The following IFT56 variants were observed in gnomAD, a reference collection of about 807,000 sequenced individuals.
The protein encoded by IFT56 is intraflagellar transport protein 56.
chr7:139,189,368 C>T, the IFT56 span: 8 of 1,613,356 alleles, frequency 5.0e-6, no homozygotes, highest in Admixed American at 1.2e-4. Context: ...ACAGGTAACA[C>T]CCAAGTAGAA....
the IFT56 span, among the ~76,000 whole-genome samples, chr7:139,182,447 A>G: frequency 6.6e-6 from 1 of 152,220 alleles, no homozygotes; most frequent in African/African-American, 2.4e-5. Flanking sequence ...GAAGGAAAAC[A>G]TTAGAAGACA....
the IFT56 span, among the ~76,000 whole-genome samples, chr7:139,157,358 G>C: frequency 6.6e-6 from 1 of 151,672 alleles, no homozygotes; most frequent in Non-Finnish European, 1.5e-5. Context: ...TGTTAGCCAG[G>C]CTGGTCTTGA....
the IFT56 span, chr7:139,173,560 T>C: frequency 5.0e-6 from 4 of 795,498 alleles, no homozygotes; most frequent in African/African-American, 1.7e-5. Flanking sequence ...TTTGTTCATA[T>C]GGATAGAGTA....
At chr7:139,158,385 T>G in the IFT56 span, among the ~76,000 whole-genome samples, 1 of 151,964 alleles carries the variant, frequency 6.6e-6, no homozygotes, top group African/African-American at 2.4e-5. Context: ...GAAAAGCTTT[T>G]GATGATATTT....
At chr7:139,151,148 G>T in the IFT56 span, among the ~76,000 whole-genome samples, 196 of 152,288 alleles carry the variant, frequency 1.3e-3, 1 homozygote, top group African/African-American at 4.4e-3. Context: ...GATACAAAAG[G>T]TCAGTAGAAA....
chr7:139,177,434 A>G, the IFT56 span, among the ~76,000 whole-genome samples: 3 of 151,388 alleles, frequency 2.0e-5, no homozygotes, highest in Non-Finnish European at 4.4e-5. Context: ...CTGATATACT[A>G]TGTATATCAG....
At chr7:139,184,474 A>G in the IFT56 span, among the ~76,000 whole-genome samples, 1 of 152,202 alleles carries the variant, frequency 6.6e-6, no homozygotes, top group East Asian at 1.9e-4. Flanking sequence ...TTGCTTTCAT[A>G]TATGTAACAT....
the IFT56 span, among the ~76,000 whole-genome samples, chr7:139,139,477 A>T: frequency 3.9e-5 from 6 of 152,254 alleles, no homozygotes; most frequent in Non-Finnish European, 8.8e-5. Flanking sequence ...TCAATGCCAA[A>T]AAAGCCAGAA....
At chr7:139,168,666 T>TA in the IFT56 span, 1 of 412,978 alleles carries the variant, frequency 2.4e-6, no homozygotes, top group East Asian at 3.6e-5. Context: ...ATAACTAACT[T>TA]AAAAATCATT....
chr7:139,165,285 T>A, the IFT56 span: 2 of 1,255,846 alleles, frequency 1.6e-6, no homozygotes, highest in Admixed American at 4.1e-5. Flanking sequence ...TTTAGAATAG[T>A]TAAATATGTC....
chr7:139,142,617 G>A, the IFT56 span, among the ~76,000 whole-genome samples: 1 of 152,210 alleles, frequency 6.6e-6, no homozygotes, highest in African/African-American at 2.4e-5. Context: ...ATCATCTGAA[G>A]TCAGGAGTTG....
At chr7:139,149,563 T>A in the IFT56 span, among the ~76,000 whole-genome samples, 102 of 152,232 alleles carry the variant, frequency 6.7e-4, no homozygotes, top group South Asian at 0.021. Flanking sequence ...CCACCATAGC[T>A]TTGTGTGCAA....
chr7:139,137,825 T>A, the IFT56 span: 28 of 1,599,414 alleles, frequency 1.8e-5, no homozygotes, highest in South Asian at 2.2e-5. Context: ...TCATGTTTTT[T>A]AAATACATTT....
the IFT56 span, among the ~76,000 whole-genome samples, chr7:139,184,278 G>T: frequency 2.6e-5 from 4 of 152,138 alleles, no homozygotes; most frequent in African/African-American, 9.7e-5. Context: ...ATATCCTCTT[G>T]CTGTGTGTGT....
At chr7:139,139,690 T>C in the IFT56 span, among the ~76,000 whole-genome samples, 1 of 152,334 alleles carries the variant, frequency 6.6e-6, no homozygotes, top group East Asian at 1.9e-4. Context: ...TAAGATTATA[T>C]GGACAATAGT....
At chr7:139,182,792 G>T in the IFT56 span, among the ~76,000 whole-genome samples, 1 of 152,010 alleles carries the variant, frequency 6.6e-6, no homozygotes, top group Non-Finnish European at 1.5e-5. Context: ...GGAAAACAAT[G>T]AGGACAGGAA....
At chr7:139,154,114 T>C in the IFT56 span, among the ~76,000 whole-genome samples, 1 of 152,216 alleles carries the variant, frequency 6.6e-6, no homozygotes, top group African/African-American at 2.4e-5. Flanking sequence ...CATGTGCTTG[T>C]TGGCCATTTG....
At chr7:139,175,742 G>T in the IFT56 span, among the ~76,000 whole-genome samples, 1 of 151,938 alleles carries the variant, frequency 6.6e-6, no homozygotes, top group East Asian at 1.9e-4. Flanking sequence ...GCAGAGCCTG[G>T]GAAGGGTAGT....
chr7:139,149,294 G>T, the IFT56 span, among the ~76,000 whole-genome samples: 1 of 138,076 alleles, frequency 7.2e-6, no homozygotes, highest in East Asian at 2.2e-4. Flanking sequence ...GACAGAGCGA[G>T]ACTCCATCTC....
Sources: gnomAD v4.1 joint callset for allele counts (sites outside exome capture counted in the v4.1 genomes callset) on GRCh38, gnomAD v4.1.1 for gene constraint, MANE v1.5 for transcripts, NCBI Gene and HGNC (gene_info 2026-07-23, HGNC 2026-07-21) for gene names.